The following PLD5 variants were observed in gnomAD, a reference collection of about 807,000 sequenced individuals.
PLD5 encodes the protein inactive phospholipase D5.
In PLD5, 36 loss-of-function variants were observed where a neutral mutation model predicts 61.1. That is an observed-to-expected ratio of 0.59 (90% confidence interval 0.45 to 0.78). PLD5 has a LOEUF of 0.78. Among genes scored for constraint, PLD5 ranks in the 30% least tolerant of loss-of-function variants. PLD5 has a pLI of 0.00. For synonymous variants in PLD5, 243 were observed against 242.8 expected (o/e 1.00, Z -0.01); for missense variants, 515 against 644.4 (o/e 0.80, Z 2.17).
chr1:242,108,406 T>C (rs1661231539), intron 7 of PLD5, among the ~76,000 whole-genome samples: 2 of 152,124 alleles, frequency 1.3e-5, no homozygotes, highest in African/African-American at 4.8e-5. Context: ...ACAGGCAAAG[T>C]TTCCCCAACA....
intron 6 of PLD5, among the ~76,000 whole-genome samples, chr1:242,114,474 A>G (rs1013016829): frequency 2.0e-5 from 3 of 152,210 alleles, no homozygotes; most frequent in African/African-American, 7.2e-5. Context: ...ATTATTGTTA[A>G]GTATAGTCAT....
intron 1 of PLD5, among the ~76,000 whole-genome samples, chr1:242,488,579 G>T (rs192780231): frequency 4.1e-4 from 63 of 152,318 alleles, no homozygotes; most frequent in Middle Eastern, 3.4e-3. Context: ...GTGGCCAAGG[G>T]CTCAGGGGAG....
chr1:242,093,739 G>A (rs1224119465), intron 9 of PLD5, among the ~76,000 whole-genome samples: 3 of 151,972 alleles, frequency 2.0e-5, no homozygotes, highest in Non-Finnish European at 4.4e-5. Context: ...TAGCCACATT[G>A]AGAATTCTGC....
In PLD5 at chr1:242,337,707, A is replaced by G. The variant is rs190502966; in HGVS notation, c.326+10399T>C. 1.3e-3 allele frequency among the ~76,000 whole-genome samples: 205 copies of G among 152,296 alleles called. 1 individual carries two copies. Among genetic ancestry groups the G allele is most frequent in the African/African-American group, 4.7e-3 (194 of 41,550 alleles). ...CTTTGCAGTCTTCTACACATGAATT[A>G]TCTTATTTCTGTCTCACAGCAGCAT... is the stretch of plus-strand genomic sequence containing the variant. On this transcript the variant is annotated intron_variant, in intron 2 of 9. Transcript: ENST00000536534.
chr1:242,352,440 C>G (rs1473936971), intron 1 of PLD5, among the ~76,000 whole-genome samples: 2 of 152,186 alleles, frequency 1.3e-5, no homozygotes, highest in African/African-American at 4.8e-5. Context: ...TTTCAAAACT[C>G]CATTCATCTG....
chr1:242,163,301 G>A (rs1027451856), intron 5 of PLD5, among the ~76,000 whole-genome samples: 3 of 151,860 alleles, frequency 2.0e-5, no homozygotes, highest in Non-Finnish European at 4.4e-5. Context: ...CCGCCACCAC[G>A]CCCGGCTAAT....
intron 5 of PLD5, among the ~76,000 whole-genome samples, chr1:242,196,721 T>C (rs958393479): frequency 7.9e-5 from 12 of 152,206 alleles, no homozygotes; most frequent in African/African-American, 2.9e-4. Context: ...ATTTAAGCAA[T>C]GTGATGCCTC....
rs546809548 is a variant in PLD5 at position 242,261,257 on chromosome 1, G to A, written c.607+4080C>T. Reference sequence around the variant, plus strand: ...ACCTAATTTTTAACAATGATGCCTCGAACATGCAGTGAAGAAACTTTTTTA... The same window carrying A: ...ACCTAATTTTTAACAATGATGCCTCAAACATGCAGTGAAGAAACTTTTTTA... On this transcript the variant is annotated intron_variant, in intron 4 of 9. Transcript: ENST00000536534. 4.6e-5 allele frequency among the ~76,000 whole-genome samples: 7 copies of A among 152,240 alleles called. No individual in the cohort carries two copies. In the South Asian group the frequency reaches 1.0e-3, roughly 23 times the overall value.
At chr1:242,143,168 C>A (rs1431283648) in intron 5 of PLD5, among the ~76,000 whole-genome samples, 2 of 152,134 alleles carry the variant, frequency 1.3e-5, no homozygotes, top group Non-Finnish European at 2.9e-5. Context: ...GCTGGAACTA[C>A]AGGCACCTGC....
chr1:242,498,538 G>A (rs1668450389), intron 1 of PLD5, among the ~76,000 whole-genome samples: 1 of 152,052 alleles, frequency 6.6e-6, no homozygotes, highest in Non-Finnish European at 1.5e-5. Flanking sequence ...ACATTGTTAT[G>A]TTGTTACTAT....
rs750677247 is a variant in PLD5, at chr1:242,340,944, T to C, written c.326+7162A>G. On this transcript the variant is annotated intron_variant, in intron 2 of 9. Transcript: ENST00000536534. ...GAACGTTTCCTGCGGTATCATTGTG[T>C]CTATCAACAATACCCTTGGACGACA... Among the ~76,000 whole-genome samples, 17 of 152,118 alleles carry C rather than the reference T, an allele frequency of 1.1e-4. No individual in the cohort carries two copies. The South Asian group carries it at 1.7e-3, about 15-fold the overall frequency.
chr1:242,448,139 G>A (rs1666623965), intron 1 of PLD5, among the ~76,000 whole-genome samples: 1 of 152,190 alleles, frequency 6.6e-6, no homozygotes, highest in African/African-American at 2.4e-5. Context: ...ATGATAAAAG[G>A]TACCAGGTGT....
At chr1:242,190,135 C>A in intron 5 of PLD5, among the ~76,000 whole-genome samples, 1 of 137,586 alleles carries the variant, frequency 7.3e-6, no homozygotes. Context: ...CCTGACAGGA[C>A]TCCTTTTTTT....
At chr1:242,202,890 C>T (rs1669070778) in intron 5 of PLD5, among the ~76,000 whole-genome samples, 1 of 152,066 alleles carries the variant, frequency 6.6e-6, no homozygotes, top group African/African-American at 2.4e-5. Flanking sequence ...TGAAACCAGC[C>T]TGTGGGGATG....
At position 242,507,728 on chromosome 1, in the gene PLD5, G is replaced by T. The variant is rs117308699; in HGVS notation, c.189+16360C>A. Among the ~76,000 whole-genome samples, 29 of 152,260 alleles carry T rather than the reference G, an allele frequency of 1.9e-4. No individual in the cohort carries two copies. In the East Asian group the frequency reaches 4.8e-3, roughly 25 times the overall value. ...CCAAATGCAACTAGAAATCTACTCT[G>T]TTCATATCGGGAAGGAAATGTTTTC... On this transcript the variant is annotated intron_variant, in intron 1 of 9. Transcript: ENST00000536534.
chr1:242,406,144 A>G (rs1174276971), intron 1 of PLD5, among the ~76,000 whole-genome samples: 2 of 152,058 alleles, frequency 1.3e-5, no homozygotes, highest in South Asian at 2.1e-4. Flanking sequence ...TCCTTTCCCT[A>G]TGCATCACAC....
chr1:242,449,086 C>G (rs911262276), intron 1 of PLD5, among the ~76,000 whole-genome samples: 4 of 152,182 alleles, frequency 2.6e-5, no homozygotes, highest in African/African-American at 7.2e-5. Context: ...CTGAGGTCAC[C>G]GTAGGACTGT....
At chr1:242,497,871 G>A (rs188788613) in intron 1 of PLD5, among the ~76,000 whole-genome samples, 1 of 152,352 alleles carries the variant, frequency 6.6e-6, no homozygotes, top group East Asian at 1.9e-4. Flanking sequence ...TGCCCTCATG[G>A]GGCTTTGCCA....
chr1:242,155,324 A>T (rs1665268483), intron 5 of PLD5, among the ~76,000 whole-genome samples: 1 of 152,118 alleles, frequency 6.6e-6, no homozygotes, highest in Non-Finnish European at 1.5e-5. Context: ...GATTTATTTG[A>T]AGAGTTTTTC....
Sources: gnomAD v4.1 joint callset for allele counts (sites outside exome capture counted in the v4.1 genomes callset) on GRCh38, gnomAD v4.1.1 for gene constraint, MANE v1.5 for transcripts, NCBI Gene and HGNC (gene_info 2026-07-23, HGNC 2026-07-21) for gene names.